The following UTP25 variants were observed in gnomAD, a reference collection of about 807,000 sequenced individuals.
UTP25 encodes UTP25 small subunit processome component.
Under a neutral mutation model 78.9 loss-of-function variants are expected in UTP25, and 50 were observed. The ratio of observed to expected loss-of-function variants is 0.63; its 90% CI spans 0.50 to 0.80. UTP25 has a LOEUF of 0.80. Ranked by LOEUF, UTP25 falls within the 30% of genes least tolerant of loss-of-function variation. The pLI is 0.00. For synonymous variants in UTP25, 329 were observed against 336.5 expected (o/e 0.98, Z 0.24); for missense variants, 846 against 911.3 (o/e 0.93, Z 0.92).
At position 209,833,254 on chromosome 1, in the gene UTP25, C is replaced by T; in HGVS notation, c.458C>T (p.Ser153Phe). 1.2e-6 allele frequency: 2 copies of T among 1,613,456 alleles called. No homozygotes were observed. Among genetic ancestry groups the T allele is most frequent in the South Asian group, 1.1e-5 (1 of 90,960 alleles). The stretch of plus-strand genomic sequence containing the variant: ...GAGCCACCGGGCACATCACAAACAT[C>T]CCCCGAAGAGTTCACAGATGCAAAA... ...GEEPPGTSQT[S>F]PEEFTDAKHE... Residue 153 changes from serine to phenylalanine, a missense_variant, in exon 4 of 12, where the codon TCC (serine) becomes TTC (phenylalanine). Transcript: ENST00000491415.
Position 209,837,164 on chromosome 1 carries a change from G to C in UTP25, c.1015G>C (p.Val339Leu). The change falls in exon 6 of 12, where the codon GTG becomes CTG. Residue 339 changes from valine to leucine, a missense_variant. Physicochemically the swap from Val to Leu is conservative, Grantham distance 32. Coordinates refer to ENST00000491415, the MANE Select transcript of UTP25 (RefSeq NM_014388.7). ...CAGACGCCGAAGCCAGAAGTTTGGA[G>C]TGGGTGATGATGATGACTTCAGAGA... ...NSRRRSQKFGVGDDDDFRDQG... is the reference protein window; with the variant it reads ...NSRRRSQKFGLGDDDDFRDQG... The C allele has an allele frequency of 1.2e-6, 2 of 1,614,138 alleles. No homozygotes were observed. Among genetic ancestry groups the C allele is most frequent in the Non-Finnish European group, 1.7e-6 (2 of 1,180,020 alleles).
intron 11 of UTP25, among the ~76,000 whole-genome samples, chr1:209,845,139 C>T (rs754565270): frequency 2.0e-5 from 3 of 152,234 alleles, no homozygotes; most frequent in Non-Finnish European, 4.4e-5. Flanking sequence ...GTCCCAGCAG[C>T]TTGCCTAGGC....
chr1:209,843,054 CCT>C (rs749836094), intron 10 of UTP25: 11 of 325,184 alleles, frequency 3.4e-5, no homozygotes, highest in African/African-American at 1.7e-4. Flanking sequence ...ATAATTTCCC[CCT>C]TTTTCTTCAT....
intron 3 of UTP25, among the ~76,000 whole-genome samples, 195 bp from the exon 4 acceptor site, chr1:209,832,990 C>T (rs959913169): frequency 6.6e-6 from 1 of 152,302 alleles, no homozygotes; most frequent in Non-Finnish European, 1.5e-5. Flanking sequence ...CAAATTGAGA[C>T]ATAAAACCCA....
At position 209,835,141 on chromosome 1, in the gene UTP25, C is replaced by T; in HGVS notation, c.629C>T (p.Pro210Leu). 6.2e-7 allele frequency: 1 copy of T among 1,613,598 alleles called. No homozygotes were observed. Among genetic ancestry groups the T allele is most frequent in the Non-Finnish European group, 8.5e-7 (1 of 1,179,636 alleles). Residue 210 changes from proline (P) to leucine (L), a missense_variant, in exon 5 of 12, where the codon CCC (proline) becomes CTC (leucine). Transcript: ENST00000491415. ...GCAATTCAGGCTGTTGCCACAAATC[C>T]CAAAACTACCCACGAGCTTAAAGTA... Reference protein sequence around the residue: ...EKAIQAVATNPKTTHELKWPI... With the variant: ...EKAIQAVATNLKTTHELKWPI...
chr1:209,830,134 A>G lies in UTP25; in HGVS notation c.134A>G (p.Gln45Arg), dbSNP rs374988802. ...GTTTCCAGAAAGGAAGCAAAGCCAC[A>G]GATTTGTCAACTGGTAATGCTTTCT... is the stretch of plus-strand genomic sequence containing the variant. The part of the protein sequence containing the change: ...DRVSRKEAKP[Q>R]ICQLSESSDS... Residue 45 changes from glutamine (Q) to arginine (R), a missense_variant, in exon 2 of 12, where the codon CAG (glutamine) becomes CGG (arginine). By Grantham distance (43) the Gln-to-Arg change is conservative. Transcript: ENST00000491415. 1.7e-5 allele frequency: 28 copies of G among 1,612,042 alleles called. No individual in the cohort carries two copies. The African/African-American group carries it at 3.6e-4, about 21-fold the overall frequency.
At position 209,836,026 on chromosome 1, in the gene UTP25, T is replaced by C. The variant is rs539771353; in HGVS notation, c.652-775T>C. On this transcript the variant is annotated intron_variant, in intron 5 of 11. Coordinates refer to ENST00000491415, the MANE Select transcript of UTP25 (RefSeq NM_014388.7). ...CTTGTTGCCCTTTTATAACCATATC[T>C]GCCTCCCTCTGCACCCTGCCCCACC... 7.2e-5 allele frequency among the ~76,000 whole-genome samples: 11 copies of C among 152,290 alleles called. No homozygotes were observed. The East Asian group carries it at 1.9e-3, about 27-fold the overall frequency.
intron 8 of UTP25, 144 bp from the exon 9 acceptor site, chr1:209,842,121 C>A: frequency 1.2e-6 from 1 of 824,650 alleles, no homozygotes; most frequent in Non-Finnish European, 1.9e-6. Context: ...ATGGGCAAGT[C>A]ACTCACCCAT....
intron 11 of UTP25, among the ~76,000 whole-genome samples, chr1:209,846,837 G>A (rs1343172229): frequency 6.6e-6 from 1 of 152,176 alleles, no homozygotes; most frequent in Non-Finnish European, 1.5e-5. Context: ...AGATTTTCAT[G>A]TGTGTGTGTT....
intron 3 of UTP25, among the ~76,000 whole-genome samples, chr1:209,832,655 G>A (rs2078109244): frequency 6.6e-6 from 1 of 152,232 alleles, no homozygotes; most frequent in Non-Finnish European, 1.5e-5. Context: ...GGCTGAGGCA[G>A]GCAGATCGAT....
chr1:209,833,104 A>C, intron 3 of UTP25, 81 bp from the exon 4 acceptor site: 1 of 1,314,088 alleles, frequency 7.6e-7, no homozygotes, highest in Non-Finnish European at 1.0e-6. Context: ...TATTGTTGGT[A>C]TAGCCTAAGG....
At chr1:209,843,848 C>A in intron 11 of UTP25, 152 bp downstream of exon 11, 1 of 1,065,022 alleles carries the variant, frequency 9.4e-7, no homozygotes, top group African/African-American at 1.6e-5. Flanking sequence ...TTGGTTTGGA[C>A]AGACTCTTCT....
chr1:209,839,450 T>G (rs17015330), intron 7 of UTP25, among the ~76,000 whole-genome samples: 24,406 of 152,174 alleles, frequency 0.16, 2,120 homozygotes, highest in South Asian at 0.21. Context: ...TACAAGGGGT[T>G]CTCTAGGATG....
At chr1:209,843,012 C>G (rs1027802300) in intron 10 of UTP25, 2 of 355,252 alleles carry the variant, frequency 5.6e-6, no homozygotes, top group African/African-American at 4.2e-5. Flanking sequence ...TAATTGTAAG[C>G]CCCTCAGGGA....
chr1:209,834,992 G>C (rs1438494958), intron 4 of UTP25, 83 bp from the exon 5 acceptor site: 17 of 1,077,228 alleles, frequency 1.6e-5, no homozygotes, highest in Non-Finnish European at 2.3e-5. Context: ...ACACAATGAA[G>C]ATCAACATGT....
intron 10 of UTP25, 120 bp from the exon 11 acceptor site, chr1:209,843,331 T>C: frequency 2.5e-6 from 3 of 1,202,110 alleles, no homozygotes; most frequent in Non-Finnish European, 3.4e-6. Flanking sequence ...GTAAATCATA[T>C]TGGCCTCTGG....
At chr1:209,831,187 A>G in intron 3 of UTP25, 144 bp downstream of exon 3, 2 of 768,036 alleles carry the variant, frequency 2.6e-6, no homozygotes, top group East Asian at 2.7e-5. Context: ...GTTTGATTGT[A>G]TCTTTGAGAA....
At position 209,830,122 on chromosome 1, in the gene UTP25, A is replaced by G. The variant is rs1485218813; in HGVS notation, c.122A>G (p.Glu41Gly). 1 of 1,612,370 alleles carries G rather than the reference A, an allele frequency of 6.2e-7. No homozygotes were observed. The highest frequency in any genetic ancestry group is 8.5e-7 in the Non-Finnish European group (1 of 1,178,892). ...TTTCTTTTTAGGGTTTCCAGAAAGG[A>G]AGCAAAGCCACAGATTTGTCAACTG... ...HPFYDRVSRK[E>G]AKPQICQLSE... Residue 41 changes from glutamate (E) to glycine (G), a missense_variant, in exon 2 of 12, where the codon GAA (glutamate) becomes GGA (glycine). By Grantham distance (98) the Glu-to-Gly change is moderately conservative (BLOSUM62 -2). Coordinates refer to ENST00000491415, the MANE Select transcript of UTP25 (RefSeq NM_014388.7).
At chr1:209,839,905 G>C (rs372273894) in intron 7 of UTP25, among the ~76,000 whole-genome samples, 5 of 152,284 alleles carry the variant, frequency 3.3e-5, no homozygotes, top group South Asian at 2.1e-4. Context: ...ATGGGGGCAG[G>C]GTGGTTAGGG....
Sources: gnomAD v4.1 joint callset for allele counts (sites outside exome capture counted in the v4.1 genomes callset) on GRCh38, gnomAD v4.1.1 for gene constraint, MANE v1.5 for transcripts, NCBI Gene and HGNC (gene_info 2026-07-23, HGNC 2026-07-21) for gene names.